Variants in AFF3 observed in about 807,000 individuals in gnomAD.
AFF3 encodes the protein ALF transcription elongation factor 3.
In AFF3, 32 loss-of-function variants were observed where a neutral mutation model predicts 129.7. The ratio of observed to expected loss-of-function variants is 0.25; its 90% CI spans 0.19 to 0.33. The LOEUF is 0.33. AFF3 is among the 10% of genes least tolerant of loss of function. The pLI, the probability that AFF3 is intolerant of heterozygous loss-of-function variation, is 1.00. For synonymous variants in AFF3, 644 were observed against 635.4 expected (o/e 1.01, Z -0.20); for missense variants, 1,373 against 1,592.0 (o/e 0.86, Z 2.34).
chr2:99,942,182 G>T (rs138353487), intron 7 of AFF3, among the ~76,000 whole-genome samples: 1 of 152,082 alleles, frequency 6.6e-6, no homozygotes, highest in Non-Finnish European at 1.5e-5. Flanking sequence ...CACAGCTCAC[G>T]CCCTCAAGCA....
At chr2:100,100,626 T>C (rs1233622481) in intron 4 of AFF3, among the ~76,000 whole-genome samples, 1 of 152,212 alleles carries the variant, frequency 6.6e-6, no homozygotes, top group East Asian at 1.9e-4. Context: ...TTGTCTTAAT[T>C]TCCTCACTTG....
chr2:100,026,182 C>T (rs1256859458), intron 4 of AFF3, among the ~76,000 whole-genome samples: 1 of 151,838 alleles, frequency 6.6e-6, no homozygotes, highest in South Asian at 2.1e-4. Flanking sequence ...GAATCTACAA[C>T]AAACAAACAA....
At chr2:99,754,813 C>T (rs1474468999) in intron 8 of AFF3, among the ~76,000 whole-genome samples, 1 of 152,190 alleles carries the variant, frequency 6.6e-6, no homozygotes, top group East Asian at 1.9e-4. Flanking sequence ...TCCCTGAGCA[C>T]CCACTCATCC....
Position 99,757,336 on chromosome 2 carries a change from T to A in AFF3, c.922-5035A>T, listed in dbSNP as rs1350534433. 2.0e-5 allele frequency among the ~76,000 whole-genome samples: 3 copies of A among 152,206 alleles called. 1 individual carries two copies. The highest frequency in any genetic ancestry group is 4.4e-5 in the Non-Finnish European group (3 of 68,044). ...TAAACTTACACGCCACACAAACTTTTCTTCTTCTTGTACTTTATATGCTGG... is the reference window on the plus strand; with the variant it reads ...TAAACTTACACGCCACACAAACTTTACTTCTTCTTGTACTTTATATGCTGG... On this transcript the variant is annotated intron_variant, in intron 8 of 24. Coordinates refer to ENST00000672756, the MANE Select transcript of AFF3 (RefSeq NM_001386135.1).
chr2:99,982,677 C>T (rs1237615549), intron 7 of AFF3, among the ~76,000 whole-genome samples: 2 of 152,174 alleles, frequency 1.3e-5, no homozygotes, highest in African/African-American at 4.8e-5. Flanking sequence ...CAGTTTCCAA[C>T]TCCCCTCATG....
At chr2:100,051,887 C>T (rs763663408) in intron 4 of AFF3, among the ~76,000 whole-genome samples, 1 of 152,162 alleles carries the variant, frequency 6.6e-6, no homozygotes, top group Non-Finnish European at 1.5e-5. Flanking sequence ...TCAATTAAAG[C>T]CAAGATCAGT....
intron 10 of AFF3, among the ~76,000 whole-genome samples, chr2:99,740,344 C>T (rs371478553): frequency 9.9e-5 from 15 of 151,368 alleles, no homozygotes; most frequent in East Asian, 9.8e-4. Flanking sequence ...GGGATGGCTG[C>T]GTCAAATGGT....
intron 4 of AFF3, among the ~76,000 whole-genome samples, chr2:100,085,699 G>A (rs1285684632): frequency 6.6e-6 from 1 of 151,934 alleles, no homozygotes; most frequent in African/African-American, 2.4e-5. Flanking sequence ...ATTGAGGGAG[G>A]TGGGCTGGAA....
chr2:99,597,182 C>A (rs892867799), intron 14 of AFF3, among the ~76,000 whole-genome samples: 11 of 152,154 alleles, frequency 7.2e-5, no homozygotes, highest in African/African-American at 2.7e-4. Context: ...GGTTTAAAGA[C>A]CAATTGTCTC....
At chr2:99,817,204 C>A (rs1687308120) in intron 8 of AFF3, among the ~76,000 whole-genome samples, 1 of 152,186 alleles carries the variant, frequency 6.6e-6, no homozygotes, top group African/African-American at 2.4e-5. Context: ...TCCCTTGGGG[C>A]ACCTGGCAGA....
intron 4 of AFF3, among the ~76,000 whole-genome samples, chr2:100,095,476 C>T (rs1382632826): frequency 6.6e-6 from 1 of 152,212 alleles, no homozygotes; most frequent in African/African-American, 2.4e-5. Flanking sequence ...CCAAATAATG[C>T]TAAACACTAT....
intron 7 of AFF3, among the ~76,000 whole-genome samples, chr2:99,942,500 T>C (rs764489296): frequency 2.0e-4 from 24 of 119,770 alleles, no homozygotes; most frequent in Non-Finnish European, 3.4e-4. Context: ...GGCCTCAATG[T>C]AAAGGGTATA....
At chr2:99,621,301 C>T (rs1681980978) in intron 13 of AFF3, among the ~76,000 whole-genome samples, 2 of 152,208 alleles carry the variant, frequency 1.3e-5, no homozygotes, top group Non-Finnish European at 1.5e-5. Context: ...CACAGCATTG[C>T]TGTGTAACAG....
At chr2:99,805,081 A>C (rs999778814) in intron 8 of AFF3, among the ~76,000 whole-genome samples, 4 of 152,196 alleles carry the variant, frequency 2.6e-5, no homozygotes, top group African/African-American at 9.6e-5. Context: ...AAAGCTATTA[A>C]AATAAAATAT....
chr2:99,680,362 A>G (rs1187173607), intron 11 of AFF3, among the ~76,000 whole-genome samples: 1 of 152,214 alleles, frequency 6.6e-6, no homozygotes, highest in Non-Finnish European at 1.5e-5. Context: ...TCTCAGTATT[A>G]AAGAATTGAG....
At chr2:100,130,252 A>G (rs1692371184) in intron 1 of AFF3, among the ~76,000 whole-genome samples, 2 of 152,334 alleles carry the variant, frequency 1.3e-5, no homozygotes, top group African/African-American at 4.8e-5. Context: ...CATAGCTTGC[A>G]GATGTCATCC....
intron 7 of AFF3, among the ~76,000 whole-genome samples, chr2:99,949,800 C>G (rs1460520962): frequency 6.6e-6 from 1 of 152,206 alleles, no homozygotes; most frequent in African/African-American, 2.4e-5. Flanking sequence ...CAGTTACTAA[C>G]AGGCCACTGA....
At chr2:99,740,545 G>C (rs1327678113) in intron 10 of AFF3, among the ~76,000 whole-genome samples, 1 of 148,432 alleles carries the variant, frequency 6.7e-6, no homozygotes, top group Non-Finnish European at 1.5e-5. Flanking sequence ...GTTTTGATTT[G>C]CATTTCTCTG....
chr2:99,941,731 A>G (rs1341997640), intron 7 of AFF3, among the ~76,000 whole-genome samples: 1 of 152,174 alleles, frequency 6.6e-6, no homozygotes, highest in Non-Finnish European at 1.5e-5. Flanking sequence ...TCCTATCAGG[A>G]ATAGAGACAC....
Sources: allele counts gnomAD v4.1 joint callset (sites outside exome capture counted in the v4.1 genomes callset), GRCh38; gene constraint gnomAD v4.1.1; transcripts MANE v1.5; gene names NCBI Gene and HGNC (gene_info 2026-07-23, HGNC 2026-07-21).